Variants in NTN1 observed in about 807,000 individuals in gnomAD.
NTN1 encodes netrin 1, also known as netrin-1.
In NTN1, 11 loss-of-function variants were observed where a neutral mutation model predicts 54.2. That is an observed-to-expected ratio of 0.20 (90% confidence interval 0.13 to 0.34). NTN1 has a LOEUF of 0.34. Among genes scored for constraint, NTN1 ranks in the 10% least tolerant of loss-of-function variants. The pLI is 1.00. For missense variants in NTN1, 740 were observed against 893.1 expected, an observed-to-expected ratio of 0.83 and a Z score of 2.18; for synonymous variants, 371 against 382.0, an observed-to-expected ratio of 0.97 and a Z score of 0.33.
At chr17:9,106,559 G>T (rs1388365037) in intron 2 of NTN1, among the ~76,000 whole-genome samples, 1 of 149,860 alleles carries the variant, frequency 6.7e-6, no homozygotes, top group Non-Finnish European at 1.5e-5. Context: ...TGTCACCCAG[G>T]CTGGAATGCA....
intron 2 of NTN1, among the ~76,000 whole-genome samples, chr17:9,077,356 G>C (rs2092054353): frequency 6.6e-6 from 1 of 152,142 alleles, no homozygotes; most frequent in Admixed American, 6.6e-5. Flanking sequence ...AGAGGTGAGA[G>C]GGAAGGCATC....
rs370316743 is a variant in NTN1 at position 9,183,844 on chromosome 17, C to T, written c.1411+875C>T. 1.9e-4 allele frequency among the ~76,000 whole-genome samples: 29 copies of T among 152,308 alleles called. No individual in the cohort carries two copies. The East Asian group carries it at 3.9e-3, about 20-fold the overall frequency. On this transcript the variant is annotated intron_variant, in intron 5 of 6. Coordinates refer to ENST00000173229, the MANE Select transcript of NTN1 (RefSeq NM_004822.3). ...AGAAATGTTGCATAGCTCTGGCTGT[C>T]GGCACTCAGAGTGTACCGAGCCCTG...
intron 2 of NTN1, among the ~76,000 whole-genome samples, chr17:9,031,217 C>A (rs1003173835): frequency 1.3e-5 from 2 of 152,124 alleles, no homozygotes; most frequent in South Asian, 4.1e-4. Context: ...TGAGGTAGAT[C>A]TCTGAGTTTC....
upstream of NTN1, among the ~76,000 whole-genome samples, chr17:9,017,730 C>T (rs886311420): frequency 2.0e-5 from 3 of 152,166 alleles, no homozygotes; most frequent in Admixed American, 6.5e-5. Context: ...CTGTGGATCC[C>T]GCTGCTTAGA....
Position 9,221,324 on chromosome 17 carries a change from C to A in NTN1, c.1486+82C>A. On this transcript the variant is annotated intron_variant, in intron 6 of 6. Transcript: ENST00000173229. This position sits in a 1 kb window ranked among gnomAD's most constrained non-coding sequence, Gnocchi z 4.5. Reference sequence around the variant, plus strand: ...GTGCTGGGGCTGGGGTGCAGCTGGCCCCCGATGGGTGTTGGTCGTGAAGAC... The same window carrying A: ...GTGCTGGGGCTGGGGTGCAGCTGGCACCCGATGGGTGTTGGTCGTGAAGAC... 2 of 1,059,280 alleles carry A rather than the reference C, an allele frequency of 1.9e-6. No individual in the cohort carries two copies. Among genetic ancestry groups the A allele is most frequent in the South Asian group, 2.5e-5 (2 of 79,862 alleles). 65.6% of individuals were successfully genotyped at this position (1,059,280 alleles called of 1,614,324 possible).
chr17:9,129,750 C>T (rs1053883862), intron 2 of NTN1, among the ~76,000 whole-genome samples: 2 of 152,164 alleles, frequency 1.3e-5, no homozygotes, highest in East Asian at 3.9e-4. Flanking sequence ...CTGGACCTCC[C>T]GGCTGCCGTC....
chr17:9,151,375 G>T (rs1040467815), intron 2 of NTN1, among the ~76,000 whole-genome samples: 55 of 152,212 alleles, frequency 3.6e-4, no homozygotes, highest in African/African-American at 1.2e-3. Flanking sequence ...TTATCTCCGG[G>T]GACTTTATCA....
chr17:9,201,513 C>G (rs1567736942), intron 5 of NTN1, among the ~76,000 whole-genome samples: 1 of 152,204 alleles, frequency 6.6e-6, no homozygotes. Flanking sequence ...GGCGACTGTT[C>G]CCCAGCTCTA....
chr17:9,227,081 A>G (rs140021725), intron 6 of NTN1, among the ~76,000 whole-genome samples: 1 of 152,164 alleles, frequency 6.6e-6, no homozygotes, highest in African/African-American at 2.4e-5. Flanking sequence ...GCTCCTGGGA[A>G]GAAGCTCCAC....
Position 9,243,141 on chromosome 17 carries a change from T to C in NTN1, c.*3173T>C, listed in dbSNP as rs1906279348. ...TGCCGAAGATTTGCGGGGGAGGACA[T>C]AGGGCTGTCCCCGGGATTCACCTGC... On this transcript the variant is annotated 3_prime_UTR_variant, in exon 7 of 7. Transcript: ENST00000173229. The C allele has an allele frequency of 6.6e-6, 1 of 152,150 alleles. No individual in the cohort carries two copies. Among genetic ancestry groups the C allele is most frequent in the Non-Finnish European group, 1.5e-5 (1 of 68,044 alleles). The allele number at this position is 152,150 out of a possible 1,614,324, so 9.4% of individuals were successfully genotyped here. A position where few individuals can be genotyped will look rare whatever the true frequency, so the allele number is the denominator to read the frequency against.
chr17:9,204,033 C>A lies in NTN1; in HGVS notation c.1412-17135C>A, dbSNP rs185081466. Among the ~76,000 whole-genome samples, 754 of 152,152 alleles carry A rather than the reference C, an allele frequency of 5.0e-3. 7 individuals carry two copies. The highest frequency in any genetic ancestry group is 0.017 in the African/African-American group (717 of 41,514). On this transcript the variant is annotated intron_variant, in intron 5 of 6. Coordinates refer to ENST00000173229, the MANE Select transcript of NTN1 (RefSeq NM_004822.3). Reference sequence around the variant, plus strand: ...CTGTGCCAGAAAGTGGAGATAAGGCCATCTGTGGGGTGACAGAAGTCAGGT... The same window carrying A: ...CTGTGCCAGAAAGTGGAGATAAGGCAATCTGTGGGGTGACAGAAGTCAGGT...
intron 2 of NTN1, among the ~76,000 whole-genome samples, chr17:9,094,224 T>TCTTA (rs1337501512): frequency 6.6e-6 from 1 of 152,204 alleles, no homozygotes; most frequent in Non-Finnish European, 1.5e-5. Flanking sequence ...CTGCTTGGCA[T>TCTTA]CTTAGTACAT....
intron 2 of NTN1, among the ~76,000 whole-genome samples, chr17:9,060,212 G>A (rs1054080260): frequency 4.0e-5 from 6 of 151,634 alleles, no homozygotes; most frequent in Non-Finnish European, 8.8e-5. Flanking sequence ...AGCCTACTCC[G>A]TGTGAAGATG....
At chr17:9,140,935 GATTAGGTA>G (rs2092295861) in intron 2 of NTN1, among the ~76,000 whole-genome samples, 1 of 152,220 alleles carries the variant, frequency 6.6e-6, no homozygotes, top group Admixed American at 6.5e-5. Context: ...GTGATGGATT[GATTAGGTA>G]ATGGGGTCAG....
chr17:9,153,317 C>T (rs770760959), intron 2 of NTN1, among the ~76,000 whole-genome samples: 3 of 152,150 alleles, frequency 2.0e-5, no homozygotes, highest in East Asian at 1.9e-4. Context: ...GGCGTGGTGG[C>T]GGGTGCCTGT....
At position 9,065,013 on chromosome 17, in the gene NTN1, T is replaced by C. The variant is rs142514040; in HGVS notation, c.1018+41622T>C. ...GTGCAGTGGTGCAATCTCGGCTCAC[T>C]GCAACCTCCACTTCCCGGGTTCAAA... On this transcript the variant is annotated intron_variant, in intron 2 of 6. Transcript: ENST00000173229. 6.2e-3 allele frequency among the ~76,000 whole-genome samples: 942 copies of C among 152,316 alleles called. 15 individuals carry two copies. The highest frequency in any genetic ancestry group is 0.021 in the African/African-American group (887 of 41,558).
intron 2 of NTN1, among the ~76,000 whole-genome samples, chr17:9,027,408 G>A (rs1465686902): frequency 6.6e-6 from 1 of 152,098 alleles, no homozygotes; most frequent in Admixed American, 6.5e-5. Context: ...ACATTAGATG[G>A]TTTACCCTAA....
At chr17:9,238,275 G>C (rs1906061962) in intron 6 of NTN1, among the ~76,000 whole-genome samples, 1 of 152,190 alleles carries the variant, frequency 6.6e-6, no homozygotes, top group Non-Finnish European at 1.5e-5. Flanking sequence ...AAGCCACAGA[G>C]CTTGCCTGTG....
At position 9,239,840 on chromosome 17, in the gene NTN1, G is replaced by C. The variant is rs1359220268; in HGVS notation, c.1687G>C (p.Asp563His). 15 of 1,613,220 alleles carry C rather than the reference G, an allele frequency of 9.3e-6. No individual in the cohort carries two copies. The highest frequency in any genetic ancestry group is 1.1e-5 in the Non-Finnish European group (13 of 1,179,942). The change falls in exon 7 of 7, where the codon GAC becomes CAC. Residue 563 changes from aspartate (D) to histidine (H), a missense_variant. Asp to His is a moderately conservative substitution (Grantham distance 81). Transcript: ENST00000173229. This position sits in a 1 kb window ranked among gnomAD's most constrained non-coding sequence, Gnocchi z 5.2. ...GTACCTGCTGCTGGGCAACGCGGAGGACTCTCCGGACCAGAGCGGCATCGT... is the reference window on the plus strand; with the variant it reads ...GTACCTGCTGCTGGGCAACGCGGAGCACTCTCCGGACCAGAGCGGCATCGT... ...KKYLLLGNAE[D>H]SPDQSGIVAD...
Sources: allele counts gnomAD v4.1 joint callset (sites outside exome capture counted in the v4.1 genomes callset), GRCh38; gene constraint gnomAD v4.1.1; non-coding constraint Gnocchi (gnomAD v3.1); transcripts MANE v1.5; gene names NCBI Gene and HGNC (gene_info 2026-07-23, HGNC 2026-07-21).